ABCB1: variants seen among roughly 807,000 people sequenced by gnomAD.
ABCB1 encodes the protein ATP binding cassette subfamily B member 1.
Under a neutral mutation model 142.0 loss-of-function variants are expected in ABCB1, and 69 were observed. That is an observed-to-expected ratio of 0.49 (90% CI 0.40 to 0.59). The LOEUF (loss-of-function observed/expected upper bound fraction) is 0.59, where lower values mean the gene tolerates loss of function less well. ABCB1 is among the 20% of genes least tolerant of loss of function. ABCB1 has a pLI of 0.00. For missense variants in ABCB1, 1,326 were observed against 1,554.7 expected (o/e 0.85, Z 2.47); for synonymous variants, 532 against 539.2 (o/e 0.99, Z 0.18).
chr7:87,601,431 A>G (rs896959217), upstream of ABCB1, among the ~76,000 whole-genome samples: 4 of 152,236 alleles, frequency 2.6e-5, no homozygotes, highest in Non-Finnish European at 4.4e-5. Context: ...ATATAGAGAC[A>G]GGTATTTCAA....
chr7:87,665,431 T>C (rs1825126960), intron 1 of ABCB1, among the ~76,000 whole-genome samples: 1 of 152,026 alleles, frequency 6.6e-6, no homozygotes, highest in Non-Finnish European at 1.5e-5. Context: ...TTAAATAAAT[T>C]GTAGAAGACA....
intron 21 of ABCB1, among the ~76,000 whole-genome samples, chr7:87,527,277 A>C (rs1815824929): frequency 1.3e-5 from 2 of 152,158 alleles, no homozygotes; most frequent in African/African-American, 4.8e-5. Flanking sequence ...GTCTATAGGT[A>C]TGCCTTTCTC....
intron 3 of ABCB1, among the ~76,000 whole-genome samples, chr7:87,588,204 A>G (rs1344764030): frequency 6.6e-6 from 1 of 151,344 alleles, no homozygotes; most frequent in East Asian, 1.9e-4. Flanking sequence ...TTTTAAGTTC[A>G]TGGGTACAAA....
At chr7:87,527,400 G>C (rs954017596) in intron 21 of ABCB1, among the ~76,000 whole-genome samples, 1 of 152,116 alleles carries the variant, frequency 6.6e-6, no homozygotes. Flanking sequence ...TGGCTTTTAC[G>C]AATTTTGTTT....
chr7:87,559,676 G>A lies in ABCB1; in HGVS notation c.827+1587C>T, dbSNP rs1437261909. On this transcript the variant is annotated intron_variant, in intron 8 of 27. Transcript: ENST00000622132. ...TTCTACCAGATACTCTGGTATCACT[G>A]GATTAGGACTCATTTTTAATGTGAA... 6.6e-5 allele frequency among the ~76,000 whole-genome samples: 10 copies of A among 152,088 alleles called. No homozygotes were observed. The South Asian group carries it at 2.1e-3, about 32-fold the overall frequency.
intron 21 of ABCB1, chr7:87,522,452 A>T (rs1815559000): frequency 3.4e-6 from 2 of 580,248 alleles, no homozygotes; most frequent in South Asian, 2.9e-5. Flanking sequence ...AGGAGATAAG[A>T]GCCAGAGAAG....
rs141453474 is a variant in ABCB1 at position 87,538,191 on chromosome 7, C to T, written c.2397+1077G>A. 4.0e-3 allele frequency among the ~76,000 whole-genome samples: 602 copies of T among 152,276 alleles called. 2 individuals are homozygous for T. Among genetic ancestry groups the T allele is most frequent in the Middle Eastern group, 6.8e-3 (2 of 294 alleles). On this transcript the variant is annotated intron_variant, in intron 19 of 27. Transcript: ENST00000622132. ...AGCTGCCAAAGTATAATGGGCACAG[C>T]AGTTGGCCTGGAGGCTGGTTGGGTA...
At chr7:87,589,280 T>C (rs1469347988) in intron 3 of ABCB1, among the ~76,000 whole-genome samples, 1 of 152,142 alleles carries the variant, frequency 6.6e-6, no homozygotes, top group Non-Finnish European at 1.5e-5. Context: ...TACATAGCTG[T>C]TATGAGGGTA....
intron 1 of ABCB1, among the ~76,000 whole-genome samples, chr7:87,662,762 A>G (rs889802905): frequency 4.6e-5 from 7 of 152,042 alleles, no homozygotes; most frequent in Admixed American, 3.9e-4. Context: ...TATGAATTTT[A>G]GGATTGGTTT....
chr7:87,618,861 G>A (rs902157989), intron 1 of ABCB1, among the ~76,000 whole-genome samples: 10 of 152,142 alleles, frequency 6.6e-5, no homozygotes, highest in African/African-American at 2.4e-4. Flanking sequence ...TATGCAATGG[G>A]CTTCACAGCA....
Position 87,566,787 on chromosome 7 carries a change from T to C in ABCB1, c.528A>G (p.Thr176=), listed in dbSNP as rs1223174556. ...TCAACATAAAACTAAATACTTACTCTGTAAGTCGGGTGTTAAGCTCCCCAA... is the reference window on the plus strand; with the variant it reads ...TCAACATAAAACTAAATACTTACTCCGTAAGTCGGGTGTTAAGCTCCCCAA... ...HDVGELNTRL[T]DDVSKINEGI... The change falls in exon 6 of 28, where the codon ACA becomes ACG. Residue 176 remains threonine (T), a splice_region_variant and synonymous_variant. Coordinates refer to ENST00000622132, the MANE Select transcript of ABCB1 (RefSeq NM_001348946.2). 6.2e-7 allele frequency: 1 copy of C among 1,613,530 alleles called. No individual in the cohort carries two copies.
intron 19 of ABCB1, among the ~76,000 whole-genome samples, chr7:87,537,776 T>A (rs777634416): frequency 2.0e-5 from 3 of 152,218 alleles, no homozygotes; most frequent in Non-Finnish European, 2.9e-5. Flanking sequence ...TAAGATTTTC[T>A]TTGTAAAACC....
chr7:87,509,160 G>T, intron 26 of ABCB1, 115 bp downstream of exon 26: 1 of 1,025,826 alleles, frequency 9.7e-7, no homozygotes, highest in East Asian at 2.4e-5. Flanking sequence ...AGGTAAGGGT[G>T]TGATTTGGTT....
intron 1 of ABCB1, among the ~76,000 whole-genome samples, chr7:87,659,769 T>A (rs1824503588): frequency 6.6e-6 from 1 of 152,200 alleles, no homozygotes; most frequent in Non-Finnish European, 1.5e-5. Flanking sequence ...TTCCTTTTTA[T>A]CTCCACCTTC....
chr7:87,676,565 A>T (rs1202266895), intron 1 of ABCB1, among the ~76,000 whole-genome samples: 1 of 151,758 alleles, frequency 6.6e-6, no homozygotes, highest in Non-Finnish European at 1.5e-5. Context: ...TTAGCCAGGT[A>T]TAGTGGTGTA....
At chr7:87,641,493 A>G (rs1822447357) in intron 1 of ABCB1, among the ~76,000 whole-genome samples, 1 of 152,160 alleles carries the variant, frequency 6.6e-6, no homozygotes, top group African/African-American at 2.4e-5. Context: ...TGGATTTGGT[A>G]TATTTTCTAG....
intron 1 of ABCB1, among the ~76,000 whole-genome samples, chr7:87,709,793 G>T (rs1481310720): frequency 6.6e-6 from 1 of 152,020 alleles, no homozygotes; most frequent in Non-Finnish European, 1.5e-5. Flanking sequence ...GTTTTTTAGA[G>T]ATTTGTGAAA....
intron 1 of ABCB1, among the ~76,000 whole-genome samples, chr7:87,617,990 A>G (rs1436955295): frequency 1.3e-5 from 2 of 152,072 alleles, no homozygotes; most frequent in African/African-American, 2.4e-5. Context: ...CCATTTGTAC[A>G]TACTCTTCCT....
intron 4 of ABCB1, among the ~76,000 whole-genome samples, chr7:87,574,931 T>C (rs1231868850): frequency 6.6e-6 from 1 of 152,226 alleles, no homozygotes; most frequent in Non-Finnish European, 1.5e-5. Flanking sequence ...ACCTGTTGTA[T>C]CTGCTATAAC....
Sources: gnomAD v4.1 joint callset for allele counts (sites outside exome capture counted in the v4.1 genomes callset) on GRCh38, gnomAD v4.1.1 for gene constraint, MANE v1.5 for transcripts, NCBI Gene and HGNC (gene_info 2026-07-23, HGNC 2026-07-21) for gene names.